Variants in PRDM5 observed in about 807,000 individuals in gnomAD.
PRDM5 encodes the protein PR domain zinc finger protein 5.
In PRDM5, 56 loss-of-function variants were observed where a neutral mutation model predicts 81.2. The ratio of observed to expected loss-of-function variants is 0.69; its 90% CI spans 0.56 to 0.86. The LOEUF (loss-of-function observed/expected upper bound fraction) is 0.86, where lower values mean the gene tolerates loss of function less well. PRDM5 is among the 40% of genes least tolerant of loss of function. The pLI is 0.00. For synonymous variants in PRDM5, 267 were observed against 256.4 expected (o/e 1.04, Z -0.39); for missense variants, 697 against 770.1 (o/e 0.91, Z 1.12).
downstream of PRDM5, among the ~76,000 whole-genome samples, chr4:120,691,459 C>T (rs1734045209): frequency 6.6e-6 from 1 of 152,000 alleles, no homozygotes; most frequent in South Asian, 2.1e-4. Flanking sequence ...GAAAATCTCA[C>T]AAGATTGGGG....
In PRDM5 at chr4:120,692,365, C is replaced by A. The variant is rs1734112582; in HGVS notation, c.*2746G>T. ...AAGTGATACTCTTCAGACACACACA[C>A]ACAGACACACACACTCATGTTTCTT... On this transcript the variant is annotated 3_prime_UTR_variant, in exon 16 of 16. Coordinates refer to ENST00000264808, the MANE Select transcript of PRDM5 (RefSeq NM_018699.4). The A allele has an allele frequency of 6.6e-6, 1 of 152,052 alleles. No homozygotes were observed. The highest frequency in any genetic ancestry group is 2.1e-4 in the South Asian group (1 of 4,832). 9.4% of individuals were successfully genotyped at this position (152,052 alleles called of 1,614,324 possible). A position where few individuals can be genotyped will look rare whatever the true frequency, so the allele number is the denominator to read the frequency against.
At chr4:120,685,155 T>C (rs1395099670) in intron 1 of PRDM5, 1 of 152,084 alleles carries the variant, frequency 6.6e-6, no homozygotes, top group African/African-American at 2.4e-5. Flanking sequence ...ATATGAGCTA[T>C]ATCACTTAAA....
chr4:120,753,120 T>C (rs1451841481), intron 14 of PRDM5, among the ~76,000 whole-genome samples: 1 of 152,208 alleles, frequency 6.6e-6, no homozygotes, highest in East Asian at 1.9e-4. Flanking sequence ...TCTGTCAATA[T>C]CACTAGTTTC....
intron 2 of PRDM5, among the ~76,000 whole-genome samples, chr4:120,874,959 C>T (rs1405108706): frequency 6.6e-6 from 1 of 152,144 alleles, no homozygotes; most frequent in Non-Finnish European, 1.5e-5. Context: ...TAAGTGTGGT[C>T]TGCGTGCCAG....
chr4:120,774,319 C>A (rs1747734838), intron 13 of PRDM5, among the ~76,000 whole-genome samples: 1 of 152,194 alleles, frequency 6.6e-6, no homozygotes, highest in African/African-American at 2.4e-5. Flanking sequence ...TGTCACCTTG[C>A]TCATGTGATA....
intron 2 of PRDM5, among the ~76,000 whole-genome samples, chr4:120,874,766 T>C (rs1276689852): frequency 6.6e-6 from 1 of 152,230 alleles, no homozygotes; most frequent in African/African-American, 2.4e-5. Context: ...TGCCCAATAC[T>C]GATACTGTGG....
At chr4:120,901,849 T>C (rs1390018052) in intron 2 of PRDM5, among the ~76,000 whole-genome samples, 1 of 152,196 alleles carries the variant, frequency 6.6e-6, no homozygotes, top group East Asian at 1.9e-4. Flanking sequence ...TGGCATAGCA[T>C]ATGACTCCAC....
At chr4:120,720,515 G>T (rs1354609217) in intron 14 of PRDM5, among the ~76,000 whole-genome samples, 2 of 152,192 alleles carry the variant, frequency 1.3e-5, no homozygotes, top group Non-Finnish European at 2.9e-5. Context: ...ACACAGCTGA[G>T]GGAACAGAGC....
chr4:120,906,358 G>A lies in PRDM5; in HGVS notation c.177+1116C>T, dbSNP rs754449149. On this transcript the variant is annotated intron_variant, in intron 2 of 15. Transcript: ENST00000264808. ...CAGTAACATGCTGTACAGGTTTACC[G>A]TCCAGGAGCAATAGGCTATACCCTA... 2.7e-4 allele frequency among the ~76,000 whole-genome samples: 41 copies of A among 152,212 alleles called. 1 individual carries two copies. In the Middle Eastern group the frequency reaches 0.01, roughly 38 times the overall value.
chr4:120,820,513 G>A (rs982950453), intron 4 of PRDM5, among the ~76,000 whole-genome samples: 106 of 152,242 alleles, frequency 7.0e-4, no homozygotes, highest in African/African-American at 2.4e-3. Flanking sequence ...TAGAAACAAG[G>A]CCAATAATAA....
At chr4:120,852,728 T>G (rs1410880731) in intron 3 of PRDM5, among the ~76,000 whole-genome samples, 1 of 150,916 alleles carries the variant, frequency 6.6e-6, no homozygotes, top group Non-Finnish European at 1.5e-5. Context: ...TACAAATACA[T>G]ATATACACAC....
At chr4:120,883,150 A>G (rs1214204544) in intron 2 of PRDM5, among the ~76,000 whole-genome samples, 1 of 152,194 alleles carries the variant, frequency 6.6e-6, no homozygotes, top group African/African-American at 2.4e-5. Context: ...ATGCAAGCAC[A>G]TTACTTACAT....
intron 1 of PRDM5, among the ~76,000 whole-genome samples, chr4:120,911,646 G>A (rs544489720): frequency 2.6e-5 from 4 of 152,218 alleles, no homozygotes; most frequent in Admixed American, 2.0e-4. Flanking sequence ...AGAATTGTGG[G>A]GAAAAGCACT....
At chr4:120,874,860 ATG>A (rs1191262033) in intron 2 of PRDM5, among the ~76,000 whole-genome samples, 1 of 152,198 alleles carries the variant, frequency 6.6e-6, no homozygotes, top group Admixed American at 6.5e-5. Context: ...CAGGAAGTAT[ATG>A]TGTGTCCTAT....
chr4:120,854,570 G>A (rs1222338667), intron 2 of PRDM5, among the ~76,000 whole-genome samples: 1 of 152,072 alleles, frequency 6.6e-6, no homozygotes, highest in Non-Finnish European at 1.5e-5. Flanking sequence ...ACAATCATTT[G>A]TTCATTCAAC....
At chr4:120,702,420 C>T (rs544123179) in intron 15 of PRDM5, among the ~76,000 whole-genome samples, 1 of 152,294 alleles carries the variant, frequency 6.6e-6, no homozygotes, top group East Asian at 1.9e-4. Flanking sequence ...GACACATCTG[C>T]CAGGTGATGG....
At chr4:120,695,613 C>T (rs1324697064) in intron 15 of PRDM5, among the ~76,000 whole-genome samples, 1 of 152,110 alleles carries the variant, frequency 6.6e-6, no homozygotes, top group Admixed American at 6.6e-5. Context: ...CAGTTTAGTA[C>T]CACTTGTGAA....
At chr4:120,705,299 G>A (rs1257392241) in intron 15 of PRDM5, among the ~76,000 whole-genome samples, 2 of 152,188 alleles carry the variant, frequency 1.3e-5, no homozygotes, top group African/African-American at 4.8e-5. Flanking sequence ...TTGTGTCATT[G>A]AGCTTATAAT....
In PRDM5 at chr4:120,792,489, A is replaced by G. The variant is rs577501941; in HGVS notation, c.1188+5778T>C. Reference sequence around the variant, plus strand: ...GGTTGAAATGTAAATTAGCATATCCATTGTAGAAAACAGTATGGAAGTTTC... The same window carrying G: ...GGTTGAAATGTAAATTAGCATATCCGTTGTAGAAAACAGTATGGAAGTTTC... On this transcript the variant is annotated intron_variant, in intron 10 of 15. Coordinates refer to ENST00000264808, the MANE Select transcript of PRDM5 (RefSeq NM_018699.4). Among the ~76,000 whole-genome samples, 12 of 152,340 alleles carry G rather than the reference A, an allele frequency of 7.9e-5. No homozygotes were observed. In the East Asian group the frequency reaches 1.3e-3, roughly 17 times the overall value.
Sources: gnomAD v4.1 joint callset for allele counts (sites outside exome capture counted in the v4.1 genomes callset) on GRCh38, gnomAD v4.1.1 for gene constraint, MANE v1.5 for transcripts, NCBI Gene and HGNC (gene_info 2026-07-23, HGNC 2026-07-21) for gene names.